A1CF: variants seen among roughly 807,000 people sequenced by gnomAD.
The protein encoded by A1CF is APOBEC-1 stimulating protein.
In A1CF, 48 loss-of-function variants were observed where a neutral mutation model predicts 68.9. The ratio of observed to expected loss-of-function variants is 0.70; its 90% CI spans 0.55 to 0.89. A1CF has a LOEUF of 0.89. A1CF is among the 40% of genes least tolerant of loss of function. The pLI is 0.00. For synonymous variants in A1CF, 272 were observed against 260.4 expected (o/e 1.04, Z -0.43); for missense variants, 653 against 718.9 (o/e 0.91, Z 1.05).
At chr10:50,839,217 C>T (rs1839660411) in intron 5 of A1CF, among the ~76,000 whole-genome samples, 1 of 152,082 alleles carries the variant, frequency 6.6e-6, no homozygotes, top group South Asian at 2.1e-4. Context: ...TATTTACAGG[C>T]CCTATTGGGT....
At chr10:50,819,462 C>T (rs1564499875) in intron 8 of A1CF, among the ~76,000 whole-genome samples, 1 of 152,158 alleles carries the variant, frequency 6.6e-6, no homozygotes, top group Non-Finnish European at 1.5e-5. Flanking sequence ...ATTCTCTCCC[C>T]TTTCAGGATT....
chr10:50,873,075 C>G (rs1841350919), intron 1 of A1CF, among the ~76,000 whole-genome samples: 1 of 150,482 alleles, frequency 6.6e-6, no homozygotes, highest in Non-Finnish European at 1.5e-5. Context: ...CCTGCCTCAG[C>G]CTCCCAAGTA....
chr10:50,827,991 C>G lies in A1CF; in HGVS notation c.769+140G>C, dbSNP rs185610688. On this transcript the variant is annotated intron_variant, in intron 7 of 12. Transcript: ENST00000373997. ...ATCCCACAGAAATACAAACTACCGT[C>G]AGAGAATACTATAAACACCTCTATG... 1.5e-5 allele frequency: 7 copies of G among 481,752 alleles called. No homozygotes were observed. In the East Asian group the frequency reaches 2.4e-4, roughly 16 times the overall value. The allele number at this position is 481,752 out of a possible 1,614,324, so 29.8% of individuals were successfully genotyped here.
chr10:50,842,603 A>G (rs1277735261), intron 4 of A1CF, among the ~76,000 whole-genome samples: 1 of 152,212 alleles, frequency 6.6e-6, no homozygotes, highest in Non-Finnish European at 1.5e-5. Flanking sequence ...AGAGCAAGAC[A>G]CTGTCTCAAA....
intron 1 of A1CF, among the ~76,000 whole-genome samples, chr10:50,885,078 G>C (rs1841946628): frequency 6.6e-6 from 1 of 152,182 alleles, no homozygotes. Flanking sequence ...AATCGCAAGA[G>C]TTGTACCAAG....
intron 1 of A1CF, among the ~76,000 whole-genome samples, chr10:50,874,909 C>A (rs1172756471): frequency 6.6e-6 from 1 of 152,118 alleles, no homozygotes; most frequent in African/African-American, 2.4e-5. Flanking sequence ...ATCATCTTAC[C>A]CTCCCGGAAG....
intron 6 of A1CF, among the ~76,000 whole-genome samples, chr10:50,828,762 A>T (rs2132396686): frequency 6.6e-6 from 1 of 152,264 alleles, no homozygotes; most frequent in African/African-American, 2.4e-5. Context: ...AGGTACCACA[A>T]TTGAGATGTT....
chr10:50,880,449 AT>A (rs1260192505), intron 1 of A1CF, among the ~76,000 whole-genome samples: 1 of 152,236 alleles, frequency 6.6e-6, no homozygotes, highest in Non-Finnish European at 1.5e-5. Context: ...CATTGTTATC[AT>A]CATCGTAGGG....
intron 12 of A1CF, among the ~76,000 whole-genome samples, chr10:50,809,101 A>G (rs1466360571): frequency 6.6e-6 from 1 of 152,178 alleles, no homozygotes; most frequent in Non-Finnish European, 1.5e-5. Flanking sequence ...TAAAGGATTC[A>G]GTTTTAATTA....
chr10:50,820,192 A>G (rs1409896974), intron 8 of A1CF, among the ~76,000 whole-genome samples: 5 of 152,214 alleles, frequency 3.3e-5, no homozygotes, highest in Admixed American at 1.3e-4. Context: ...TTTTTAATTC[A>G]TCAGCTTCTA....
intron 7 of A1CF, 46 bp downstream of exon 7, chr10:50,828,085 A>G (rs1481061366): frequency 7.0e-7 from 1 of 1,432,642 alleles, no homozygotes; most frequent in Admixed American, 2.0e-5. Context: ...AGACTAAACC[A>G]GGACAAAGAA....
chr10:50,828,121 T>C lies in A1CF; in HGVS notation c.769+10A>G, dbSNP rs373681268. The C allele has an allele frequency of 5.2e-5, 81 of 1,550,052 alleles. No individual in the cohort carries two copies. Among genetic ancestry groups the C allele is most frequent in the Non-Finnish European group, 6.9e-5 (79 of 1,137,828 alleles). ...TGTTTTGAAAAACTAATCTTGTATA[T>C]ATGTCCTACCTGGTTTGATATTGTT... On this transcript the variant is annotated intron_variant, in intron 7 of 12. Transcript: ENST00000373997.
intron 1 of A1CF, among the ~76,000 whole-genome samples, chr10:50,883,397 A>G (rs1452989109): frequency 2.0e-5 from 3 of 152,104 alleles, no homozygotes; most frequent in Non-Finnish European, 4.4e-5. Context: ...AAGGTCACAA[A>G]CCTAGGGAGT....
intron 6 of A1CF, among the ~76,000 whole-genome samples, chr10:50,834,092 A>G (rs1433371835): frequency 5.9e-5 from 9 of 152,140 alleles, no homozygotes; most frequent in Admixed American, 5.2e-4. Context: ...CTTGACTTAG[A>G]AAAAGGAGTT....
intron 8 of A1CF, among the ~76,000 whole-genome samples, chr10:50,820,092 C>T (rs1217209277): frequency 6.6e-6 from 1 of 152,130 alleles, no homozygotes; most frequent in Non-Finnish European, 1.5e-5. Flanking sequence ...AGAAGCTTCC[C>T]CAGCCCCTAC....
At chr10:50,880,162 AG>A in intron 1 of A1CF, among the ~76,000 whole-genome samples, 1 of 152,250 alleles carries the variant, frequency 6.6e-6, no homozygotes, top group South Asian at 2.1e-4. Context: ...GGATCTCAAA[AG>A]TTTTCTTCAG....
chr10:50,870,151 A>G (rs1361818882), intron 1 of A1CF, among the ~76,000 whole-genome samples: 1 of 151,966 alleles, frequency 6.6e-6, no homozygotes, highest in Admixed American at 6.6e-5. Context: ...TCTCTTCTTT[A>G]TGCTAAAAAC....
intron 3 of A1CF, among the ~76,000 whole-genome samples, chr10:50,848,490 C>A (rs1003260127): frequency 6.6e-6 from 1 of 152,202 alleles, no homozygotes; most frequent in Non-Finnish European, 1.5e-5. Flanking sequence ...CTTCACCAAT[C>A]ATGGACACCA....
chr10:50,813,473 A>G (rs536823701), intron 10 of A1CF, among the ~76,000 whole-genome samples: 2 of 152,286 alleles, frequency 1.3e-5, no homozygotes, highest in East Asian at 3.9e-4. Context: ...TAAATGGTCT[A>G]TTCAGGGCAC....
Sources: gnomAD v4.1 joint callset for allele counts (sites outside exome capture counted in the v4.1 genomes callset) on GRCh38, gnomAD v4.1.1 for gene constraint, MANE v1.5 for transcripts, NCBI Gene and HGNC (gene_info 2026-07-23, HGNC 2026-07-21) for gene names.